Variants in AFAP1 observed in about 807,000 individuals in gnomAD.
AFAP1 encodes the protein actin filament-associated protein 1.
In AFAP1, 75 loss-of-function variants were observed where a neutral mutation model predicts 93.9. That is an observed-to-expected ratio of 0.80 (90% confidence interval 0.66 to 0.97). The LOEUF (loss-of-function observed/expected upper bound fraction) is 0.97. Among genes scored for constraint, AFAP1 ranks in the 50% least tolerant of loss-of-function variants. The pLI is 0.00. For missense variants in AFAP1, 1,201 were observed against 1,050.8 expected (o/e 1.14, Z -1.98); for synonymous variants, 517 against 430.7 (o/e 1.20, Z -2.48).
rs1394129315 is a variant in AFAP1, at chr4:7,931,948, C to A, written c.-3+7708G>T. On this transcript the variant is annotated intron_variant, in intron 1 of 17. Coordinates refer to ENST00000420658, the MANE Select transcript of AFAP1 (RefSeq NM_001134647.2). Reference sequence around the variant, plus strand: ...CGATCTTGGCTCACTGCAAGCTCCACCTCCAGGGTCCACGCCATTCTCCTG... The same window carrying A: ...CGATCTTGGCTCACTGCAAGCTCCAACTCCAGGGTCCACGCCATTCTCCTG... 1.3e-5 allele frequency among the ~76,000 whole-genome samples: 2 copies of A among 152,064 alleles called. 1 individual carries two copies. The highest frequency in any genetic ancestry group is 2.9e-5 in the Non-Finnish European group (2 of 68,036).
intron 6 of AFAP1, among the ~76,000 whole-genome samples, chr4:7,827,570 A>C (rs1486368229): frequency 2.5e-5 from 1 of 40,772 alleles, no homozygotes; most frequent in African/African-American, 1.4e-4. Context: ...CTCTGTCTCC[A>C]AAAAAAAAAA....
At chr4:7,933,019 CAAAAAA>C (rs11369145) in intron 1 of AFAP1, among the ~76,000 whole-genome samples, 1 of 51,086 alleles carries the variant, frequency 2.0e-5, no homozygotes, top group African/African-American at 9.0e-5. Flanking sequence ...GACTCCCTCT[CAAAAAA>C]AAAAAAAAAA....
intron 17 of AFAP1, among the ~76,000 whole-genome samples, chr4:7,766,391 C>T (rs1458514167): frequency 6.6e-6 from 1 of 152,146 alleles, no homozygotes; most frequent in Non-Finnish European, 1.5e-5. Context: ...AGGGAGGACC[C>T]CATGTTACCT....
rs1290473350 is a variant in AFAP1, at chr4:7,760,738, A to C, written c.*3027T>G. The C allele has an allele frequency of 1.3e-5, 2 of 152,314 alleles. No homozygotes were observed. The highest frequency in any genetic ancestry group is 2.9e-5 in the Non-Finnish European group (2 of 68,076). The allele number at this position is 152,314 out of a possible 1,614,324, so 9.4% of individuals were successfully genotyped here. A position where few individuals can be genotyped will look rare whatever the true frequency, so the allele number is the denominator to read the frequency against. ...ACCTTAACAAAATAGAGCCAGGAGC[A>C]GAGCCCTGAAGAGTGACACTGTGGC... is the stretch of plus-strand genomic sequence containing the variant. On this transcript the variant is annotated 3_prime_UTR_variant, in exon 18 of 18. Transcript: ENST00000420658.
chr4:7,805,635 G>A (rs1577232112), intron 9 of AFAP1, among the ~76,000 whole-genome samples: 3 of 152,314 alleles, frequency 2.0e-5, no homozygotes, highest in South Asian at 4.1e-4. Context: ...CTAGATGGAG[G>A]AGCCTGACAT....
rs766920981 is a variant in AFAP1, at chr4:7,846,412, C to A, written c.335-3062G>T. On this transcript the variant is annotated intron_variant, in intron 4 of 17. Transcript: ENST00000420658. ...GAGAAGATGGGCAGAGGCCAGACCG[C>A]AGATCGCGTGCTGTGCTACGATCCA... 7.9e-5 allele frequency among the ~76,000 whole-genome samples: 12 copies of A among 152,316 alleles called. 1 individual carries two copies. The highest frequency in any genetic ancestry group is 1.6e-4 in the Non-Finnish European group (11 of 68,030).
chr4:7,790,941 TATGTAAC>T (rs1188953288), intron 11 of AFAP1, among the ~76,000 whole-genome samples: 1 of 152,214 alleles, frequency 6.6e-6, no homozygotes, highest in East Asian at 1.9e-4. Flanking sequence ...TAGCTGGGTG[TATGTAAC>T]ATGTGGCTTG....
intron 1 of AFAP1, among the ~76,000 whole-genome samples, chr4:7,936,646 A>G (rs1721401808): frequency 6.6e-6 from 1 of 151,254 alleles, no homozygotes; most frequent in Non-Finnish European, 1.5e-5. Context: ...CAGTGGTACA[A>G]TATCGGCTCA....
intron 6 of AFAP1, among the ~76,000 whole-genome samples, chr4:7,829,195 A>G (rs1478647577): frequency 6.6e-6 from 1 of 152,194 alleles, no homozygotes; most frequent in African/African-American, 2.4e-5. Context: ...TAAATTACCC[A>G]GTCTAAGGTA....
At chr4:7,784,266 T>G (rs903000638) in intron 12 of AFAP1, among the ~76,000 whole-genome samples, 7 of 152,060 alleles carry the variant, frequency 4.6e-5, no homozygotes, top group African/African-American at 1.7e-4. Flanking sequence ...GGATGGACTC[T>G]GAAGCTAGGA....
chr4:7,869,537 T>TGGAAAGACAAAC (rs2149178557), intron 2 of AFAP1, among the ~76,000 whole-genome samples: 1 of 152,314 alleles, frequency 6.6e-6, no homozygotes, highest in African/African-American at 2.4e-5. Flanking sequence ...AGATTTAAGT[T>TGGAAAGACAAAC]GGAAAGACAA....
In AFAP1 at chr4:7,761,662, C is replaced by CA. The variant is rs1713820679; in HGVS notation, c.*2102dup. On this transcript the variant is annotated 3_prime_UTR_variant, in exon 18 of 18. Coordinates refer to ENST00000420658, the MANE Select transcript of AFAP1 (RefSeq NM_001134647.2). ...CTCTTTGGCAAAGCAGGCTGCCAAT[C>CA]AGAGTGGCCCAAGAGTGTCAACCAG... The CA allele has an allele frequency of 6.6e-6, 1 of 152,302 alleles. No individual in the cohort carries two copies. Among genetic ancestry groups the CA allele is most frequent in the South Asian group, 2.1e-4 (1 of 4,834 alleles). The allele number at this position is 152,302 out of a possible 1,614,324, so 9.4% of individuals were successfully genotyped here. A position where few individuals can be genotyped will look rare whatever the true frequency, so the allele number is the denominator to read the frequency against.
At chr4:7,838,793 G>A (rs967064894) in intron 5 of AFAP1, 90 bp from the exon 6 acceptor site, 17 of 1,434,414 alleles carry the variant, frequency 1.2e-5, no homozygotes, top group Admixed American at 3.8e-5. Flanking sequence ...ACCTGAGTGC[G>A]GGCAAGGCAT....
intron 1 of AFAP1, among the ~76,000 whole-genome samples, chr4:7,878,385 T>C (rs1445642699): frequency 3.9e-5 from 6 of 152,200 alleles, no homozygotes; most frequent in Non-Finnish European, 4.4e-5. Context: ...TTTCCACTGA[T>C]GTATTCCGAG....
At chr4:7,895,699 GAC>G (rs2149211742) in intron 1 of AFAP1, among the ~76,000 whole-genome samples, 1 of 152,246 alleles carries the variant, frequency 6.6e-6, no homozygotes, top group Admixed American at 6.5e-5. Context: ...CCTAATGAAT[GAC>G]AGAGCGAGCT....
chr4:7,871,640 C>T (rs980938856), intron 2 of AFAP1, among the ~76,000 whole-genome samples: 1 of 152,188 alleles, frequency 6.6e-6, no homozygotes, highest in Non-Finnish European at 1.5e-5. Context: ...GGCTGCAGTG[C>T]GTCCTGCACA....
At chr4:7,860,958 C>A (rs915113585) in intron 3 of AFAP1, among the ~76,000 whole-genome samples, 1 of 152,218 alleles carries the variant, frequency 6.6e-6, no homozygotes, top group Non-Finnish European at 1.5e-5. Context: ...TGGCACTCCG[C>A]CCTCTGTCTG....
chr4:7,832,508 G>T (rs940721638), intron 6 of AFAP1, among the ~76,000 whole-genome samples: 1 of 152,046 alleles, frequency 6.6e-6, no homozygotes, highest in Admixed American at 6.6e-5. Context: ...TGTTCTACCA[G>T]GTTTTCCCAC....
intron 1 of AFAP1, among the ~76,000 whole-genome samples, chr4:7,922,128 A>C (rs1232339948): frequency 6.6e-6 from 1 of 152,182 alleles, no homozygotes; most frequent in East Asian, 1.9e-4. Flanking sequence ...AAAAGAAAAA[A>C]AACTGGCAAC....
Sources: gnomAD v4.1 joint callset for allele counts (sites outside exome capture counted in the v4.1 genomes callset) on GRCh38, gnomAD v4.1.1 for gene constraint, MANE v1.5 for transcripts, NCBI Gene and HGNC (gene_info 2026-07-23, HGNC 2026-07-21) for gene names.